The following PCDHA11 variants were observed in gnomAD, a reference collection of about 807,000 sequenced individuals.
PCDHA11 encodes the protein protocadherin alpha 11.
A neutral mutation model predicts 70.3 loss-of-function variants in PCDHA11; 61 were observed. That is an observed-to-expected ratio of 0.87 (90% CI 0.71 to 1.07). PCDHA11 has a LOEUF of 1.07. PCDHA11 is among the 50% of genes least tolerant of loss of function. The pLI is 0.00. For synonymous variants in PCDHA11, 633 were observed against 555.1 expected (o/e 1.14, Z -1.97); for missense variants, 1,324 against 1,237.5 (o/e 1.07, Z -1.05).
At chr5:140,983,583 CT>C (rs2153831802) in intron 3 of PCDHA11, among the ~76,000 whole-genome samples, 1 of 152,306 alleles carries the variant, frequency 6.6e-6, no homozygotes, top group African/African-American at 2.4e-5. Context: ...TTTATTACAT[CT>C]ATTCTACATA....
intron 1 of PCDHA11, among the ~76,000 whole-genome samples, chr5:140,894,207 A>G (rs962841413): frequency 3.9e-5 from 6 of 152,012 alleles, no homozygotes; most frequent in African/African-American, 1.4e-4. Flanking sequence ...ATGCTATTAT[A>G]TTCTCATTTT....
chr5:140,949,409 A>G (rs547419161), intron 1 of PCDHA11, among the ~76,000 whole-genome samples: 1 of 151,896 alleles, frequency 6.6e-6, no homozygotes, highest in African/African-American at 2.4e-5. Flanking sequence ...AAAATCACCT[A>G]TCATCATTGT....
chr5:140,911,134 C>T (rs2075341856), intron 1 of PCDHA11, among the ~76,000 whole-genome samples: 1 of 152,108 alleles, frequency 6.6e-6, no homozygotes. Context: ...TCAGGCAGTG[C>T]AGGGTTTTTC....
chr5:141,000,418 T>TAA (rs2097924814), intron 3 of PCDHA11, among the ~76,000 whole-genome samples: 1 of 83,682 alleles, frequency 1.2e-5, no homozygotes, highest in Non-Finnish European at 2.2e-5. Context: ...TATATATATA[T>TAA]ATATTTTTTT....
At chr5:140,906,521 C>T (rs529787398) in intron 1 of PCDHA11, among the ~76,000 whole-genome samples, 4 of 152,330 alleles carry the variant, frequency 2.6e-5, no homozygotes, top group African/African-American at 9.6e-5. Flanking sequence ...AGGAAATACT[C>T]ACGACAATTA....
intron 2 of PCDHA11, among the ~76,000 whole-genome samples, chr5:140,981,680 C>G (rs1238332235): frequency 6.6e-6 from 1 of 151,746 alleles, no homozygotes; most frequent in Non-Finnish European, 1.5e-5. Context: ...CTTCCTTCCT[C>G]CCTTCCATCA....
intron 1 of PCDHA11, among the ~76,000 whole-genome samples, chr5:140,898,157 G>T (rs1455235992): frequency 2.6e-5 from 4 of 152,162 alleles, no homozygotes; most frequent in African/African-American, 7.2e-5. Flanking sequence ...CACGCTGATG[G>T]TGGTTTCTTT....
chr5:140,961,632 A>T (rs373824042), intron 1 of PCDHA11, among the ~76,000 whole-genome samples: 2 of 152,214 alleles, frequency 1.3e-5, no homozygotes, highest in African/African-American at 4.8e-5. Context: ...ATGAAAAACA[A>T]TCTTAAGTCT....
At chr5:140,911,258 T>C (rs265316) in intron 1 of PCDHA11, among the ~76,000 whole-genome samples, 87,913 of 151,980 alleles carry the variant, frequency 0.58, 26,381 homozygotes, top group African/African-American at 0.75. Flanking sequence ...TCAGAATTTA[T>C]AATCTCAGTG....
At chr5:140,943,729 A>C (rs1215938127) in intron 1 of PCDHA11, among the ~76,000 whole-genome samples, 2 of 152,256 alleles carry the variant, frequency 1.3e-5, no homozygotes, top group Non-Finnish European at 2.9e-5. Context: ...TGAGAGAATG[A>C]AAGTCCACAG....
chr5:140,920,204 G>A (rs185996994), intron 1 of PCDHA11, among the ~76,000 whole-genome samples: 3 of 152,222 alleles, frequency 2.0e-5, no homozygotes, highest in Admixed American at 1.3e-4. Context: ...AGCAGCCACA[G>A]AAAACCAATG....
At chr5:140,926,494 C>T (rs565938693) in intron 1 of PCDHA11, 46 of 181,758 alleles carry the variant, frequency 2.5e-4, no homozygotes, top group African/African-American at 1.0e-3. Flanking sequence ...GTGTTAGTGT[C>T]TCGGGGCGTC....
intron 2 of PCDHA11, among the ~76,000 whole-genome samples, chr5:140,981,395 G>A (rs928966988): frequency 5.2e-4 from 79 of 152,210 alleles, no homozygotes; most frequent in African/African-American, 1.9e-3. Context: ...TCAATATGGT[G>A]AAAACCTGTC....
intron 1 of PCDHA11, among the ~76,000 whole-genome samples, chr5:140,953,877 ACCCATCAC>A (rs1252251050): frequency 6.6e-6 from 1 of 152,098 alleles, no homozygotes; most frequent in Non-Finnish European, 1.5e-5. Context: ...GCACAGATCA[ACCCATCAC>A]CTAGGTATTA....
At chr5:141,009,455 A>G in intron 3 of PCDHA11, 172 bp from the exon 4 acceptor site, 1 of 946,862 alleles carries the variant, frequency 1.1e-6, no homozygotes, top group Non-Finnish European at 1.3e-6. Flanking sequence ...AAAAAATTAA[A>G]CAAATAAATA....
At position 140,929,210 on chromosome 5, in the gene PCDHA11, G is replaced by A. The variant is rs782078369; in HGVS notation, c.2392-49739G>A. The A allele has an allele frequency of 1.9e-6, 3 of 1,613,952 alleles. No individual in the cohort carries two copies. The South Asian group carries it at 3.3e-5, about 18-fold the overall frequency. The stretch of plus-strand genomic sequence containing the variant: ...GATAATAACAGTTTGCTGTTGCGTG[G>A]GGAGTACAATGCTGCCGACCTGCGA... On this transcript the variant is annotated intron_variant, in intron 1 of 3. Transcript: ENST00000398640.
chr5:140,899,127 C>T (rs1487430888), intron 1 of PCDHA11, among the ~76,000 whole-genome samples: 16 of 152,302 alleles, frequency 1.1e-4, no homozygotes, highest in African/African-American at 3.9e-4. Context: ...ACAATCATGT[C>T]TTCTGCAAAC....
At chr5:140,917,324 C>CGGG (rs1299895515) in intron 1 of PCDHA11, among the ~76,000 whole-genome samples, 10 of 76,182 alleles carry the variant, frequency 1.3e-4, no homozygotes, top group South Asian at 4.5e-4. Flanking sequence ...GTTCATGTGG[C>CGGG]GGGGGAGGGG....
At chr5:140,873,255 C>T (rs1554166636) in intron 1 of PCDHA11, among the ~76,000 whole-genome samples, 1 of 152,074 alleles carries the variant, frequency 6.6e-6, no homozygotes, top group South Asian at 2.1e-4. Context: ...ATTTCAGACT[C>T]AAAAGTGATT....
Sources: allele counts gnomAD v4.1 joint callset (sites outside exome capture counted in the v4.1 genomes callset), GRCh38; gene constraint gnomAD v4.1.1; transcripts MANE v1.5; gene names NCBI Gene and HGNC (gene_info 2026-07-23, HGNC 2026-07-21).